The following SYTL2 variants were observed in gnomAD, a reference collection of about 807,000 sequenced individuals.
SYTL2 encodes the protein synaptotagmin like 2, also known as synaptotagmin-like protein 2.
In SYTL2, 165 loss-of-function variants were observed where a neutral mutation model predicts 198.7. That is an observed-to-expected ratio of 0.83 (90% confidence interval 0.73 to 0.94). SYTL2 has a LOEUF of 0.94. SYTL2 is among the 40% of genes least tolerant of loss of function. The pLI is 0.00. For synonymous variants in SYTL2, 966 were observed against 917.7 expected (o/e 1.05, Z -0.95); for missense variants, 2,835 against 2,582.8 (o/e 1.10, Z -2.12).
At chr11:85,758,726 A>G (rs1401445683) in intron 1 of SYTL2, among the ~76,000 whole-genome samples, 1 of 152,206 alleles carries the variant, frequency 6.6e-6, no homozygotes, top group Non-Finnish European at 1.5e-5. Flanking sequence ...GAGGAAAGGA[A>G]GAGGCAGAGT....
Position 85,724,272 on chromosome 11 carries a change from C to T in SYTL2, c.5086G>A (p.Gly1696Arg). 1.3e-6 allele frequency: 2 copies of T among 1,564,496 alleles called. No individual in the cohort carries two copies. Among genetic ancestry groups the T allele is most frequent in the Non-Finnish European group, 1.7e-6 (2 of 1,160,890 alleles). ...DSESGVAGGQ[G>R]TLQEPGFGEA... ...CCAAAGCCAGGTTCCTGAAGAGTCC[C>T]TTGTCCCCCTGCAACCCCACTTTCA... Residue 1696 changes from glycine to arginine, a missense_variant, in exon 8 of 20, where the codon GGG becomes AGG. Coordinates refer to ENST00000359152, the MANE Select transcript of SYTL2 (RefSeq NM_206927.4).
At chr11:85,814,166 G>A (rs2093058832), upstream of SYTL2, among the ~76,000 whole-genome samples, 1 of 152,176 alleles carries the variant, frequency 6.6e-6, no homozygotes, top group Admixed American at 6.5e-5. Flanking sequence ...ATAATGGTTG[G>A]AAGAGAGTTA....
At chr11:85,804,064 C>T (rs2092926136) in intron 1 of SYTL2, among the ~76,000 whole-genome samples, 1 of 152,244 alleles carries the variant, frequency 6.6e-6, no homozygotes, top group African/African-American at 2.4e-5. Flanking sequence ...AAACACAACA[C>T]TTCAGTTACT....
Position 85,727,017 on chromosome 11 carries a change from T to C in SYTL2, c.2341A>G (p.Lys781Glu). 1 of 1,536,556 alleles carries C rather than the reference T, an allele frequency of 6.5e-7. No homozygotes were observed. Among genetic ancestry groups the C allele is most frequent in the Non-Finnish European group, 8.7e-7 (1 of 1,146,974 alleles). Residue 781 changes from lysine (K) to glutamate (E), a missense_variant, in exon 8 of 20, where the codon AAG becomes GAG. Lys to Glu is a moderately conservative substitution (Grantham distance 56). Around this residue, in one of 3 missense-constraint regions of SYTL2, gnomAD observed 2,645 missense variants for 2,381.7 expected, o/e 1.11. Transcript: ENST00000359152. Reference protein sequence around the residue: ...QFQQEAGEVPKNQVQREKYKR... With the variant: ...QFQQEAGEVPENQVQREKYKR... Reference sequence around the variant, plus strand: ...TATTTCTCTCTCTGCACTTGGTTCTTGGGAACCTCACCAGCTTCTTGCTGG... The same window carrying C: ...TATTTCTCTCTCTGCACTTGGTTCTCGGGAACCTCACCAGCTTCTTGCTGG...
intron 1 of SYTL2, among the ~76,000 whole-genome samples, chr11:85,795,166 TATATTAGCTAATATAA>T (rs1191876475): frequency 2.6e-5 from 4 of 152,184 alleles, no homozygotes; most frequent in Non-Finnish European, 2.9e-5. Context: ...CTGTAATACT[TATATTAGCTAATATAA>T]GTATTAGCTG....
chr11:85,745,325 T>G (rs1211292895), intron 4 of SYTL2, among the ~76,000 whole-genome samples: 1 of 152,182 alleles, frequency 6.6e-6, no homozygotes, highest in African/African-American at 2.4e-5. Context: ...CAAATTGAAG[T>G]ACCTCTTCAT....
At chr11:85,845,657 C>T in the SYTL2 span, among the ~76,000 whole-genome samples, 1 of 151,958 alleles carries the variant, frequency 6.6e-6, no homozygotes, top group Non-Finnish European at 1.5e-5. Context: ...ACCTGTAATC[C>T]CAGCACTTTG....
At chr11:85,798,313 C>T (rs951483992) in intron 1 of SYTL2, among the ~76,000 whole-genome samples, 1 of 152,164 alleles carries the variant, frequency 6.6e-6, no homozygotes, top group Non-Finnish European at 1.5e-5. Flanking sequence ...ATTTGGTTTA[C>T]GGAATGACAA....
At chr11:85,762,717 G>A (rs2092132368) in intron 1 of SYTL2, among the ~76,000 whole-genome samples, 1 of 152,142 alleles carries the variant, frequency 6.6e-6, no homozygotes, top group South Asian at 2.1e-4. Flanking sequence ...CAAGTTACAT[G>A]TCACTTACTG....
chr11:85,712,554 C>T (rs2086487616), intron 12 of SYTL2, among the ~76,000 whole-genome samples: 1 of 152,142 alleles, frequency 6.6e-6, no homozygotes, highest in Non-Finnish European at 1.5e-5. Context: ...AATGATAGAG[C>T]TTAATTCTGG....
In SYTL2 at chr11:85,727,951, A is replaced by G. The variant is rs760808660; in HGVS notation, c.1407T>C (p.Cys469=). 2 of 1,596,692 alleles carry G rather than the reference A, an allele frequency of 1.3e-6. No homozygotes were observed. The highest frequency in any genetic ancestry group is 1.4e-5 in the African/African-American group (1 of 73,588). Residue 469 remains cysteine (C), a synonymous_variant, in exon 8 of 20, where the codon TGT becomes TGC. Coordinates refer to ENST00000359152, the MANE Select transcript of SYTL2 (RefSeq NM_206927.4). ...PRSPADELSH[C]VEPEPSQVPG... is the part of the protein sequence containing the mutation. ...GCACCTGAGATGGCTCAGGCTCAAC[A>G]CAATGAGACAGTTCATCTGCAACAT... is the stretch of plus-strand genomic sequence containing the variant.
intron 9 of SYTL2, among the ~76,000 whole-genome samples, chr11:85,720,209 G>A (rs2088081550): frequency 6.6e-6 from 1 of 152,198 alleles, no homozygotes; most frequent in Non-Finnish European, 1.5e-5. Flanking sequence ...AGTGTGAACA[G>A]AATAGAAGGG....
chr11:85,722,785 T>C (rs377605791), intron 8 of SYTL2, among the ~76,000 whole-genome samples: 39 of 152,208 alleles, frequency 2.6e-4, no homozygotes, highest in Non-Finnish European at 3.2e-4. Context: ...GTTTTAGAGA[T>C]TGATATTTCA....
intron 14 of SYTL2, among the ~76,000 whole-genome samples, 157 bp from the exon 15 acceptor site, chr11:85,707,688 C>T (rs1265254250): frequency 6.6e-6 from 1 of 152,118 alleles, no homozygotes; most frequent in Non-Finnish European, 1.5e-5. Context: ...TACCTTTATA[C>T]TTAAATGTGT....
chr11:85,765,512 G>A (rs890703147), intron 1 of SYTL2, among the ~76,000 whole-genome samples: 1 of 152,206 alleles, frequency 6.6e-6, no homozygotes, highest in African/African-American at 2.4e-5. Context: ...TGGGATTGCA[G>A]GCGTGAGCCA....
At chr11:85,846,826 C>T in the SYTL2 span, among the ~76,000 whole-genome samples, 311 of 150,798 alleles carry the variant, frequency 2.1e-3, no homozygotes, top group African/African-American at 6.7e-3. Flanking sequence ...CTCCGCCTCT[C>T]GGGTTCAAGC....
At chr11:85,697,900 T>C in intron 18 of SYTL2, 79 bp downstream of exon 18, 1 of 837,496 alleles carries the variant, frequency 1.2e-6, no homozygotes, top group South Asian at 1.5e-5. Context: ...GAGTCAGTAT[T>C]ACAGATATAG....
At chr11:85,789,902 A>G (rs961024559) in intron 1 of SYTL2, among the ~76,000 whole-genome samples, 1 of 152,184 alleles carries the variant, frequency 6.6e-6, no homozygotes, top group African/African-American at 2.4e-5. Flanking sequence ...AAAACATATT[A>G]GGGTGAACCA....
chr11:85,778,025 G>T (rs1302103643), intron 1 of SYTL2, among the ~76,000 whole-genome samples: 2 of 151,772 alleles, frequency 1.3e-5, no homozygotes, highest in Non-Finnish European at 2.9e-5. Context: ...CACCACGTTG[G>T]CCAGGCTGGT....
Sources: allele counts gnomAD v4.1 joint callset (sites outside exome capture counted in the v4.1 genomes callset), GRCh38; gene constraint gnomAD v4.1.1; regional missense constraint gnomAD v4.1.1; transcripts MANE v1.5; gene names NCBI Gene and HGNC (gene_info 2026-07-23, HGNC 2026-07-21).